The following CELF4 variants were observed in gnomAD, a reference collection of about 807,000 sequenced individuals.
The protein encoded by CELF4 is CUG-BP- and ETR-3-like factor 4.
In CELF4, 18 loss-of-function variants were observed where a neutral mutation model predicts 59.9. The ratio of observed to expected loss-of-function variants is 0.30; its 90% CI spans 0.21 to 0.45. CELF4 has a LOEUF of 0.45. Among genes scored for constraint, CELF4 ranks in the 20% least tolerant of loss-of-function variants. The pLI is 1.00. For synonymous variants in CELF4, 261 were observed against 267.1 expected (o/e 0.98, Z 0.22); for missense variants, 456 against 689.0 (o/e 0.66, Z 3.79).
At chr18:37,550,134 A>C in intron 1 of CELF4, among the ~76,000 whole-genome samples, 1 of 119,550 alleles carries the variant, frequency 8.4e-6, no homozygotes, top group African/African-American at 4.7e-5. Context: ...AGGTCTGGGG[A>C]GGGGGCTCAG....
At chr18:37,303,726 C>G (rs1319758959) in intron 3 of CELF4, among the ~76,000 whole-genome samples, 1 of 152,220 alleles carries the variant, frequency 6.6e-6, no homozygotes, top group Non-Finnish European at 1.5e-5. Context: ...CCTCCAAAAT[C>G]CCTCCCAGGC....
At chr18:37,447,148 A>T (rs191171928) in intron 2 of CELF4, among the ~76,000 whole-genome samples, 1 of 152,332 alleles carries the variant, frequency 6.6e-6, no homozygotes, top group African/African-American at 2.4e-5. Context: ...TGTGAGGCCA[A>T]TGAAATGCCA....
intron 5 of CELF4, 159 bp downstream of exon 5, chr18:37,274,646 C>A: frequency 6.7e-7 from 1 of 1,488,548 alleles, no homozygotes; most frequent in South Asian, 1.3e-5. Context: ...CAGGCCAGTT[C>A]CTTAACATCC....
intron 1 of CELF4, chr18:37,486,054 A>G (rs2154603202): frequency 1.3e-5 from 2 of 153,782 alleles, no homozygotes; most frequent in South Asian, 2.1e-4. Flanking sequence ...CTGCTCCCTC[A>G]GGGATGGTGG....
intron 2 of CELF4, among the ~76,000 whole-genome samples, chr18:37,338,759 CGT>C (rs60532435): frequency 1.6e-3 from 240 of 145,646 alleles, no homozygotes; most frequent in East Asian, 6.3e-3. Flanking sequence ...ATGCAGGAGC[CGT>C]GTGTGTGTGT....
At chr18:37,455,180 T>G (rs1448007720) in intron 2 of CELF4, among the ~76,000 whole-genome samples, 1 of 152,228 alleles carries the variant, frequency 6.6e-6, no homozygotes, top group Non-Finnish European at 1.5e-5. Context: ...AAGGATTTAA[T>G]GCATTGAGAG....
At chr18:37,251,302 C>T (rs1257422674) in intron 12 of CELF4, among the ~76,000 whole-genome samples, 3 of 152,108 alleles carry the variant, frequency 2.0e-5, no homozygotes, top group Admixed American at 1.3e-4. Context: ...GTGGAAGAAC[C>T]GACTCTGTGT....
intron 8 of CELF4, 122 bp from the exon 9 acceptor site, chr18:37,266,720 G>A (rs2077766510): frequency 4.6e-6 from 4 of 871,324 alleles, no homozygotes; most frequent in African/African-American, 3.4e-5. Flanking sequence ...TGTGCCCTGG[G>A]GCAGGGCATC....
intron 1 of CELF4, among the ~76,000 whole-genome samples, chr18:37,505,127 C>G (rs2154604036): frequency 6.6e-6 from 1 of 151,626 alleles, no homozygotes; most frequent in South Asian, 2.1e-4. Flanking sequence ...TTAGGAGAAG[C>G]AGGGGCAGGG....
Position 37,493,527 on chromosome 18 carries a change from G to T in CELF4, c.287-7920C>A, listed in dbSNP as rs1450803623. On this transcript the variant is annotated intron_variant, in intron 1 of 12. Coordinates refer to ENST00000420428, the MANE Select transcript of CELF4 (RefSeq NM_020180.4). ...CTGGGTGAGAGTGAGCGGAGTGGCA[G>T]CAGGAAGTGGCTGCTGCAGGGATGC... Among the ~76,000 whole-genome samples, 4 of 152,324 alleles carry T rather than the reference G, an allele frequency of 2.6e-5. No homozygotes were observed. In the East Asian group the frequency reaches 7.7e-4, roughly 29 times the overall value.
chr18:37,377,860 G>A (rs1038827469), intron 2 of CELF4, among the ~76,000 whole-genome samples: 3 of 152,148 alleles, frequency 2.0e-5, no homozygotes, highest in African/African-American at 7.2e-5. Flanking sequence ...GAAGGGCAAG[G>A]GCGGAAAGGG....
At chr18:37,335,458 G>A (rs956164252) in intron 2 of CELF4, among the ~76,000 whole-genome samples, 6 of 152,002 alleles carry the variant, frequency 3.9e-5, no homozygotes, top group African/African-American at 1.5e-4. Context: ...ATGTCCATGT[G>A]TGAGTATGCA....
intron 3 of CELF4, among the ~76,000 whole-genome samples, chr18:37,318,704 C>T (rs1057000379): frequency 1.3e-5 from 2 of 149,870 alleles, no homozygotes; most frequent in Non-Finnish European, 3.0e-5. Context: ...GTGTTAGCCA[C>T]AGGAGATATA....
chr18:37,300,507 G>A (rs2095951654), intron 3 of CELF4, among the ~76,000 whole-genome samples: 1 of 152,160 alleles, frequency 6.6e-6, no homozygotes, highest in South Asian at 2.1e-4. Context: ...TTACAGGTGT[G>A]AGCCACTGCT....
chr18:37,410,538 G>T (rs1026008217), intron 2 of CELF4, among the ~76,000 whole-genome samples: 17 of 152,230 alleles, frequency 1.1e-4, no homozygotes, highest in African/African-American at 3.6e-4. Context: ...GTGCGTGTGG[G>T]CATCCCTGCA....
chr18:37,435,031 A>C (rs1475134337), intron 2 of CELF4, among the ~76,000 whole-genome samples: 4 of 152,070 alleles, frequency 2.6e-5, no homozygotes, highest in Non-Finnish European at 5.9e-5. Context: ...GGATGTAGGG[A>C]GGTCACCTGC....
chr18:37,395,553 G>A (rs1234106957), intron 2 of CELF4, among the ~76,000 whole-genome samples: 1 of 152,236 alleles, frequency 6.6e-6, no homozygotes, highest in Admixed American at 6.5e-5. Context: ...TTCTCTCTGG[G>A]ATCCTCTTGT....
intron 1 of CELF4, among the ~76,000 whole-genome samples, chr18:37,560,924 A>G (rs2099986329): frequency 2.0e-5 from 3 of 152,272 alleles, no homozygotes; most frequent in Non-Finnish European, 4.4e-5. Context: ...GAAGATGGTC[A>G]CAAATCAGCA....
intron 2 of CELF4, among the ~76,000 whole-genome samples, chr18:37,449,305 G>GC (rs1475717286): frequency 1.3e-5 from 2 of 152,176 alleles, no homozygotes; most frequent in African/African-American, 4.8e-5. Context: ...GAGTTACTGG[G>GC]CCAGTGTGAC....
Sources: allele counts gnomAD v4.1 joint callset (sites outside exome capture counted in the v4.1 genomes callset), GRCh38; gene constraint gnomAD v4.1.1; transcripts MANE v1.5; gene names NCBI Gene and HGNC (gene_info 2026-07-23, HGNC 2026-07-21).